Variants in ATRX observed in about 807,000 individuals in gnomAD.
ATRX encodes chromatin remodeler ATRX.
Under a neutral mutation model 172.6 loss-of-function variants are expected in ATRX, and 12 were observed. The observed-to-expected ratio is 0.07, with a 90% CI of 0.04 to 0.11. The LOEUF is 0.11. Ranked by LOEUF, ATRX falls within the 10% of genes least tolerant of loss-of-function variation. ATRX has a pLI of 1.00. For synonymous variants in ATRX, 674 were observed against 594.7 expected (o/e 1.13, Z -1.94); for missense variants, 1,368 against 1,767.4 (o/e 0.77, Z 4.05).
At chrX:77,521,893 T>C (rs1457892339) in intron 32 of ATRX, 2 of 222,024 alleles carry the variant, frequency 9.0e-6, no homozygotes, top group Non-Finnish European at 1.6e-5. Context: ...TGTGCATCTA[T>C]AATGCACTAG....
At chrX:77,517,389 G>A (rs1304628424) in intron 34 of ATRX, among the ~76,000 whole-genome samples, 1 of 111,449 alleles carries the variant, frequency 9.0e-6, no homozygotes, top group East Asian at 2.8e-4. Flanking sequence ...AGGCTCCTAT[G>A]ACAAACTACA....
chrX:77,705,833 T>G (rs782072907), intron 2 of ATRX, among the ~76,000 whole-genome samples: 1 of 112,481 alleles, frequency 8.9e-6, no homozygotes, highest in Admixed American at 9.4e-5. Flanking sequence ...TGCACAGACT[T>G]GATTGCCAGT....
At chrX:77,592,053 C>T (rs1234896832) in intron 26 of ATRX, among the ~76,000 whole-genome samples, 1 of 111,410 alleles carries the variant, frequency 9.0e-6, no homozygotes, top group Non-Finnish European at 1.9e-5. Flanking sequence ...TGTTTCAGAC[C>T]ATATTTTGAG....
At chrX:77,760,090 T>G (rs1379776144) in intron 1 of ATRX, among the ~76,000 whole-genome samples, 1 of 110,774 alleles carries the variant, frequency 9.0e-6, no homozygotes. Context: ...TACATGTTTT[T>G]AATACTAAAT....
Position 77,600,421 on chromosome X carries a change from T to G in ATRX, c.5697+13A>C, listed in dbSNP as rs782387510. ...TTCCAATAGATGCTTTTAAACTAAG[T>G]TACCTGACTTACCTTATTTTCTTTG... On this transcript the variant is annotated intron_variant, in intron 23 of 34. Transcript: ENST00000373344. The G allele has an allele frequency of 1.3e-5, 16 of 1,207,493 alleles. No homozygotes were observed. The highest frequency in any genetic ancestry group is 1.8e-5 in the Non-Finnish European group (16 of 893,389).
At chrX:77,564,331 C>A (rs895628966) in intron 28 of ATRX, among the ~76,000 whole-genome samples, 4 of 111,057 alleles carry the variant, frequency 3.6e-5, no homozygotes, top group Non-Finnish European at 5.7e-5. Context: ...GGGTAGGGCC[C>A]TCAGGATATA....
At chrX:77,667,295 A>ATGTG (rs782297684) in intron 10 of ATRX, among the ~76,000 whole-genome samples, 5,437 of 88,964 alleles carry the variant, frequency 0.061, 162 homozygotes, top group East Asian at 0.094. Context: ...ACGAATAAAT[A>ATGTG]TGTGTGTGTG....
At chrX:77,700,319 AG>A (rs782695569) in intron 2 of ATRX, among the ~76,000 whole-genome samples, 34 of 112,279 alleles carry the variant, frequency 3.0e-4, no homozygotes, top group Non-Finnish European at 5.8e-4. Context: ...GCCAAAATCC[AG>A]AACACTGACT....
chrX:77,762,660 A>T (rs1557193382), intron 1 of ATRX, among the ~76,000 whole-genome samples: 1 of 111,447 alleles, frequency 9.0e-6, no homozygotes, highest in African/African-American at 3.3e-5. Context: ...ATAAGAAAAT[A>T]AAATGAAATG....
chrX:77,663,312 G>T, intron 12 of ATRX, 70 bp downstream of exon 12: 1 of 1,153,201 alleles, frequency 8.7e-7, no homozygotes, highest in Non-Finnish European at 1.2e-6. Context: ...TTCCCAAAGT[G>T]CTAGGATTAC....
chrX:77,624,117 A>G (rs2067712059), intron 19 of ATRX, among the ~76,000 whole-genome samples: 1 of 111,965 alleles, frequency 8.9e-6, no homozygotes, highest in African/African-American at 3.2e-5. Flanking sequence ...CTGTAATCCC[A>G]GCACTTTGGG....
At chrX:77,728,764 C>CTTTTTT (rs200509557) in intron 1 of ATRX, among the ~76,000 whole-genome samples, 4 of 94,069 alleles carry the variant, frequency 4.3e-5, no homozygotes, top group Non-Finnish European at 6.2e-5. Context: ...CTTTTCTTTT[C>CTTTTTT]TTTTTTTTTT....
intron 30 of ATRX, among the ~76,000 whole-genome samples, chrX:77,531,814 T>C (rs1557046485): frequency 1.8e-5 from 2 of 111,531 alleles, no homozygotes; most frequent in African/African-American, 3.3e-5. Context: ...ATAAAGTATA[T>C]TCAAATAGGA....
chrX:77,578,993 G>GGTACACTGGCA (rs2065730916), intron 27 of ATRX, among the ~76,000 whole-genome samples: 1 of 111,635 alleles, frequency 9.0e-6, no homozygotes, highest in Non-Finnish European at 1.9e-5. Context: ...GAACACTGGC[G>GGTACACTGGCA]GTACACTGGC....
intron 15 of ATRX, among the ~76,000 whole-genome samples, chrX:77,637,378 C>T (rs1247093127): frequency 2.7e-5 from 3 of 110,534 alleles, no homozygotes; most frequent in Non-Finnish European, 5.7e-5. Flanking sequence ...AATCTCTATC[C>T]GTTACATAGT....
intron 28 of ATRX, among the ~76,000 whole-genome samples, chrX:77,566,548 T>C (rs1277689653): frequency 1.8e-5 from 2 of 110,475 alleles, no homozygotes; most frequent in African/African-American, 6.6e-5. Flanking sequence ...AGCTCAGGAG[T>C]TCAAGACCAG....
chrX:77,746,521 T>C (rs782054106), intron 1 of ATRX, among the ~76,000 whole-genome samples: 15 of 112,066 alleles, frequency 1.3e-4, no homozygotes, highest in African/African-American at 3.6e-4. Flanking sequence ...GTTAAACTTA[T>C]TTATTTTCAG....
At chrX:77,666,123 G>A (rs1557126049) in intron 10 of ATRX, among the ~76,000 whole-genome samples, 1 of 111,925 alleles carries the variant, frequency 8.9e-6, no homozygotes, top group East Asian at 2.8e-4. Context: ...TTTATTATAT[G>A]CCTTTTGGTG....
chrX:77,783,821 T>C (rs45558134), intron 1 of ATRX, among the ~76,000 whole-genome samples: 1,518 of 111,542 alleles, frequency 0.014, 18 homozygotes, highest in African/African-American at 0.047. Flanking sequence ...TAGTAAATCA[T>C]CAGGGAGTGT....
Sources: allele counts gnomAD v4.1 joint callset (sites outside exome capture counted in the v4.1 genomes callset), GRCh38; gene constraint gnomAD v4.1.1; transcripts MANE v1.5; gene names NCBI Gene and HGNC (gene_info 2026-07-23, HGNC 2026-07-21).